The following GSTCD variants were observed in gnomAD, a reference collection of about 807,000 sequenced individuals.
GSTCD encodes the protein glutathione S-transferase C-terminal domain-containing protein.
A neutral mutation model predicts 68.3 loss-of-function variants in GSTCD; 44 were observed. The observed-to-expected ratio is 0.64, with a 90% CI of 0.51 to 0.83. GSTCD has a LOEUF of 0.83. GSTCD is among the 40% of genes least tolerant of loss of function. The pLI is 0.00. For missense variants in GSTCD, 739 were observed against 735.9 expected, an observed-to-expected ratio of 1.00 and a Z score of -0.05; for synonymous variants, 273 against 255.2, an observed-to-expected ratio of 1.07 and a Z score of -0.67.
chr4:105,736,806 T>C (rs1477871648), intron 5 of GSTCD, among the ~76,000 whole-genome samples: 1 of 152,202 alleles, frequency 6.6e-6, no homozygotes, highest in African/African-American at 2.4e-5. Context: ...TTTTTTTACC[T>C]TCCATTTGGA....
intron 4 of GSTCD, among the ~76,000 whole-genome samples, chr4:105,728,159 C>A (rs532746705): frequency 6.6e-6 from 1 of 152,174 alleles, no homozygotes; most frequent in Non-Finnish European, 1.5e-5. Context: ...TGGTTCACCT[C>A]TCGAGTGAAT....
chr4:105,761,006 T>C (rs1734387440), intron 5 of GSTCD: 1 of 297,572 alleles, frequency 3.4e-6, no homozygotes, highest in South Asian at 2.8e-5. Flanking sequence ...ATTTTTTTTT[T>C]TTTTTTTTTT....
chr4:105,799,224 G>T (rs1326204045), intron 5 of GSTCD, among the ~76,000 whole-genome samples: 1 of 152,160 alleles, frequency 6.6e-6, no homozygotes, highest in African/African-American at 2.4e-5. Flanking sequence ...TGTTTTGTCT[G>T]GTTTGATCTA....
At position 105,825,776 on chromosome 4, in the gene GSTCD, T is replaced by C. The variant is rs774446565; in HGVS notation, c.1506T>C (p.Tyr502=). The change falls in exon 8 of 12, where the codon TAT becomes TAC. Residue 502 remains tyrosine, a synonymous_variant. Coordinates refer to ENST00000515279, the MANE Select transcript of GSTCD (RefSeq NM_001370181.1). The part of the protein sequence containing the change: ...NIWFIQANME[Y]FTGMFNIGVA... The stretch of plus-strand genomic sequence containing the variant: ...GGTTCATTCAAGCAAATATGGAATA[T>C]TTTACTGGGATGTTTAATATTGGAG... 4.5e-6 allele frequency: 7 copies of C among 1,546,314 alleles called. No individual in the cohort carries two copies. The Admixed American group carries it at 8.4e-5, about 19-fold the overall frequency.
intron 5 of GSTCD, among the ~76,000 whole-genome samples, chr4:105,779,447 T>C (rs1268734600): frequency 6.6e-6 from 1 of 152,216 alleles, no homozygotes; most frequent in Non-Finnish European, 1.5e-5. Flanking sequence ...TTTTATAATT[T>C]TTTAGAATGT....
At chr4:105,842,198 C>A in intron 11 of GSTCD, 64 bp downstream of exon 11, 1 of 1,329,154 alleles carries the variant, frequency 7.5e-7, no homozygotes, top group Non-Finnish European at 1.1e-6. Flanking sequence ...AATGATTGGA[C>A]CAAGTCTATA....
At chr4:105,715,934 C>T (rs987990847) in intron 1 of GSTCD, among the ~76,000 whole-genome samples, 15 of 151,638 alleles carry the variant, frequency 9.9e-5, no homozygotes, top group African/African-American at 3.4e-4. Flanking sequence ...ATTTTTGACC[C>T]GGGAAATGTA....
chr4:105,822,873 C>G (rs1723376425), intron 5 of GSTCD, 81 bp from the exon 6 acceptor site: 3 of 912,928 alleles, frequency 3.3e-6, no homozygotes, highest in Non-Finnish European at 5.3e-6. Flanking sequence ...CTCCTCTATG[C>G]TGGTAGTCTA....
chr4:105,802,011 A>G (rs1485835453), intron 5 of GSTCD, among the ~76,000 whole-genome samples: 1 of 152,064 alleles, frequency 6.6e-6, no homozygotes, highest in Non-Finnish European at 1.5e-5. Context: ...TTCATTGTCA[A>G]ATATAGATAA....
intron 5 of GSTCD, among the ~76,000 whole-genome samples, chr4:105,783,729 G>T (rs1396470505): frequency 6.6e-6 from 1 of 152,080 alleles, no homozygotes; most frequent in Non-Finnish European, 1.5e-5. Flanking sequence ...TATCTCCATA[G>T]CCTATATTCA....
At chr4:105,775,490 A>G (rs1194737640) in intron 5 of GSTCD, among the ~76,000 whole-genome samples, 1 of 151,988 alleles carries the variant, frequency 6.6e-6, no homozygotes, top group African/African-American at 2.4e-5. Context: ...GGATTTATCT[A>G]CCTTTGGTCT....
chr4:105,800,022 C>T (rs1053866498), intron 5 of GSTCD, among the ~76,000 whole-genome samples: 18 of 152,004 alleles, frequency 1.2e-4, no homozygotes, highest in Admixed American at 7.9e-4. Flanking sequence ...ATGGCTTTCA[C>T]GGAAGATTAT....
At chr4:105,752,502 G>C (rs1020293227) in intron 5 of GSTCD, among the ~76,000 whole-genome samples, 3 of 152,018 alleles carry the variant, frequency 2.0e-5, no homozygotes, top group African/African-American at 7.2e-5. Flanking sequence ...TATTTGATGC[G>C]AGGAAACATC....
intron 5 of GSTCD, among the ~76,000 whole-genome samples, chr4:105,802,637 T>G (rs1736153167): frequency 6.6e-6 from 1 of 152,152 alleles, no homozygotes; most frequent in Admixed American, 6.6e-5. Context: ...TCCATAAGTT[T>G]ACATTTCATC....
At chr4:105,741,342 A>T (rs1387430801) in intron 5 of GSTCD, among the ~76,000 whole-genome samples, 1 of 152,212 alleles carries the variant, frequency 6.6e-6, no homozygotes, top group Non-Finnish European at 1.5e-5. Flanking sequence ...GATAGTAAAG[A>T]ATTTGTTAGT....
chr4:105,811,698 A>G (rs1457564807), intron 5 of GSTCD, among the ~76,000 whole-genome samples: 1 of 152,102 alleles, frequency 6.6e-6, no homozygotes, highest in Middle Eastern at 3.2e-3. Context: ...AGAAAGAAAA[A>G]AAAAATCTGT....
At chr4:105,745,473 C>G (rs1733769092) in intron 5 of GSTCD, among the ~76,000 whole-genome samples, 1 of 152,168 alleles carries the variant, frequency 6.6e-6, no homozygotes, top group Non-Finnish European at 1.5e-5. Flanking sequence ...TATTTGGCCT[C>G]AAATACCCAT....
chr4:105,800,635 A>G (rs1422404709), intron 5 of GSTCD, among the ~76,000 whole-genome samples: 1 of 152,232 alleles, frequency 6.6e-6, no homozygotes, highest in African/African-American at 2.4e-5. Context: ...TATTCCACAC[A>G]TAGGCAAAGC....
intron 5 of GSTCD, among the ~76,000 whole-genome samples, chr4:105,756,495 TACACACACACACACAC>T (rs3055931): frequency 8.6e-5 from 12 of 139,432 alleles, no homozygotes; most frequent in African/African-American, 3.0e-4. Context: ...CCTATGCACA[TACACACACACACACAC>T]ACACACACAC....
Sources: allele counts gnomAD v4.1 joint callset (sites outside exome capture counted in the v4.1 genomes callset), GRCh38; gene constraint gnomAD v4.1.1; transcripts MANE v1.5; gene names NCBI Gene and HGNC (gene_info 2026-07-23, HGNC 2026-07-21).